The following USP15 variants were observed in gnomAD, a reference collection of about 807,000 sequenced individuals.
The protein encoded by USP15 is ubiquitin specific peptidase 15, also known as ubiquitin carboxyl-terminal hydrolase 15.
USP15 carries 18 observed loss-of-function variants against 127.1 expected under a neutral mutation model. The ratio of observed to expected loss-of-function variants is 0.14; its 90% confidence interval spans 0.10 to 0.21. The LOEUF is 0.21. Ranked by LOEUF, USP15 falls within the 10% of genes least tolerant of loss-of-function variation. USP15 has a pLI of 1.00. For synonymous variants in USP15, 364 were observed against 393.7 expected, an observed-to-expected ratio of 0.92 and a Z score of 0.89; for missense variants, 805 against 1,159.9, an observed-to-expected ratio of 0.69 and a Z score of 4.44.
chr12:62,260,954 A>C (rs2063033432), intron 1 of USP15, among the ~76,000 whole-genome samples: 1 of 151,892 alleles, frequency 6.6e-6, no homozygotes, highest in African/African-American at 2.4e-5. Flanking sequence ...GTTCCCTTTT[A>C]TTCTGATTCT....
intron 7 of USP15, among the ~76,000 whole-genome samples, chr12:62,351,916 T>C (rs552161356): frequency 6.6e-6 from 1 of 151,876 alleles, no homozygotes; most frequent in Admixed American, 6.6e-5. Flanking sequence ...AAAACTTGAA[T>C]TCTATCGTAT....
At chr12:62,279,248 G>A (rs2063581690) in intron 1 of USP15, 1 of 152,048 alleles carries the variant, frequency 6.6e-6, no homozygotes, top group African/African-American at 2.4e-5. Context: ...AATCATGCAG[G>A]ATTTGTCTTT....
intron 2 of USP15, among the ~76,000 whole-genome samples, chr12:62,295,592 T>C (rs981400081): frequency 6.6e-6 from 1 of 151,814 alleles, no homozygotes; most frequent in African/African-American, 2.4e-5. Context: ...CCACAAGACA[T>C]GGAAAAAATT....
chr12:62,294,286 A>G lies in USP15; in HGVS notation c.197A>G (p.Asp66Gly). Residue 66 changes from aspartate (D) to glycine (G), a missense_variant, in exon 2 of 22, where the codon GAT becomes GGT. By Grantham distance (94) the Asp-to-Gly change is moderately conservative (BLOSUM62 -1). Around this residue, in one of 11 missense-constraint regions of USP15, gnomAD observed 69 missense variants for 126.4 expected, o/e 0.55. Coordinates refer to ENST00000280377, the MANE Select transcript of USP15 (RefSeq NM_001252078.2). ...CAAAATGTGTATCCTGGACCCATTGATAACTCTGGACTTCTCAAAGGTCAT... is the reference window on the plus strand; with the variant it reads ...CAAAATGTGTATCCTGGACCCATTGGTAACTCTGGACTTCTCAAAGGTCAT... ...GDQNVYPGPIDNSGLLKDGDA... is the reference protein window; with the variant it reads ...GDQNVYPGPIGNSGLLKDGDA... 1 of 1,612,240 alleles carries G rather than the reference A, an allele frequency of 6.2e-7. No homozygotes were observed. The highest frequency in any genetic ancestry group is 8.5e-7 in the Non-Finnish European group (1 of 1,179,410).
In USP15 at chr12:62,384,318, G is replaced by GTT; in HGVS notation, c.1473+18_1473+19dup. 7.7e-7 allele frequency: 1 copy of GTT among 1,296,436 alleles called. No homozygotes were observed. The highest frequency in any genetic ancestry group is 1.0e-6 in the Non-Finnish European group (1 of 1,002,498). 80.3% of individuals were successfully genotyped at this position (1,296,436 alleles called of 1,614,324 possible). A position where few individuals can be genotyped will look rare whatever the true frequency, so the allele number is the denominator to read the frequency against. On this transcript the variant is annotated intron_variant, in intron 11 of 21. Transcript: ENST00000280377. ...ACCTATGCAGGTAAATCATGGGTTG[G>GTT]TTTGTTTTGTTTTTTTTTTTTTTTT...
chr12:62,302,940 G>T lies in USP15; in HGVS notation c.348+20G>T. On this transcript the variant is annotated intron_variant, in intron 3 of 21. Coordinates refer to ENST00000280377, the MANE Select transcript of USP15 (RefSeq NM_001252078.2). ...CGAAAGGTACATTTTAATAATAACT[G>T]ACTATAAATATTATTTTTCTTGATT... The T allele has an allele frequency of 1.3e-6, 2 of 1,597,198 alleles. No individual in the cohort carries two copies. Among genetic ancestry groups the T allele is most frequent in the South Asian group, 2.3e-5 (2 of 88,486 alleles).
chr12:62,309,456 G>T lies in USP15; in HGVS notation c.349-5334G>T, dbSNP rs115249527. Among the ~76,000 whole-genome samples, 562 of 152,142 alleles carry T rather than the reference G, an allele frequency of 3.7e-3. 5 individuals carry two copies. The highest frequency in any genetic ancestry group is 0.013 in the African/African-American group (529 of 41,528). On this transcript the variant is annotated intron_variant, in intron 3 of 21. Coordinates refer to ENST00000280377, the MANE Select transcript of USP15 (RefSeq NM_001252078.2). The stretch of plus-strand genomic sequence containing the variant: ...TCCCACAAAGAAAGCTTCAGGCCAA[G>T]AAAGCTTTACCAGTGTATTCTACCA...
At chr12:62,314,707 C>G (rs1262904722) in intron 3 of USP15, 83 bp from the exon 4 acceptor site, 1 of 1,281,844 alleles carries the variant, frequency 7.8e-7, no homozygotes, top group Non-Finnish European at 1.0e-6. Context: ...CTGCAGTTTT[C>G]TAAAGTCTCT....
chr12:62,309,118 T>C (rs955550723), intron 3 of USP15, among the ~76,000 whole-genome samples: 20 of 151,830 alleles, frequency 1.3e-4, no homozygotes, highest in African/African-American at 4.6e-4. Flanking sequence ...CTACATTAAA[T>C]GAACAAAATT....
intron 5 of USP15, among the ~76,000 whole-genome samples, chr12:62,323,404 G>A (rs944272643): frequency 6.6e-6 from 1 of 152,032 alleles, no homozygotes; most frequent in Non-Finnish European, 1.5e-5. Flanking sequence ...TAAAGTGAGG[G>A]AAATTAATTT....
intron 2 of USP15, among the ~76,000 whole-genome samples, chr12:62,297,114 T>G (rs1328347526): frequency 6.6e-6 from 1 of 152,106 alleles, no homozygotes; most frequent in African/African-American, 2.4e-5. Flanking sequence ...TGCCTTTCAG[T>G]GTGCTGCTTG....
At chr12:62,309,878 G>A (rs1009945014) in intron 3 of USP15, among the ~76,000 whole-genome samples, 1 of 150,916 alleles carries the variant, frequency 6.6e-6, no homozygotes, top group Non-Finnish European at 1.5e-5. Context: ...ACTAGAAATC[G>A]CCTGTAAATA....
Position 62,412,874 on chromosome 12 carries a change from C to G in USP15, c.*8499C>G, listed in dbSNP as rs1239418429. On this transcript the variant is annotated 3_prime_UTR_variant, in exon 22 of 22. Coordinates refer to ENST00000280377, the MANE Select transcript of USP15 (RefSeq NM_001252078.2). ...TTGATATTTTGACTCCCATGAATCA[C>G]AAATATTCTGAATGAATGGCATCCA... 1 of 152,180 alleles carries G rather than the reference C, an allele frequency of 6.6e-6. No individual in the cohort carries two copies. The highest frequency in any genetic ancestry group is 6.5e-5 in the Admixed American group (1 of 15,278). The allele number at this position is 152,180 out of a possible 1,614,324, so 9.4% of individuals were successfully genotyped here.
chr12:62,302,671 A>G (rs924405810), intron 2 of USP15, 119 bp from the exon 3 acceptor site: 3 of 1,108,376 alleles, frequency 2.7e-6, no homozygotes, highest in East Asian at 2.5e-5. Flanking sequence ...AGGGAGCTGA[A>G]TTGCTTTAGA....
chr12:62,298,830 C>CAAAAAA (rs1163091790), intron 2 of USP15, among the ~76,000 whole-genome samples: 41 of 64,958 alleles, frequency 6.3e-4, no homozygotes, highest in African/African-American at 8.0e-4. Context: ...CCCTGTCTTG[C>CAAAAAA]AAAAAAAAAA....
chr12:62,320,639 C>T (rs1427599421), intron 4 of USP15, among the ~76,000 whole-genome samples: 2 of 152,066 alleles, frequency 1.3e-5, no homozygotes, highest in Non-Finnish European at 2.9e-5. Flanking sequence ...CAAAACCTTA[C>T]TGACTACAAG....
chr12:62,372,166 T>G (rs1425025748), intron 8 of USP15, among the ~76,000 whole-genome samples: 1 of 152,156 alleles, frequency 6.6e-6, no homozygotes, highest in East Asian at 1.9e-4. Context: ...TCCCAAAGAT[T>G]GCACAGTAAT....
In USP15 at chr12:62,294,275, T is replaced by A; in HGVS notation, c.186T>A (p.Pro62=). The part of the protein sequence containing the change: ...KYQMGDQNVY[P]GPIDNSGLLK... ...AGATGGGAGATCAAAATGTGTATCC[T>A]GGACCCATTGATAACTCTGGACTTC... The change falls in exon 2 of 22, where the codon CCT becomes CCA. Residue 62 remains proline, a synonymous_variant. Coordinates refer to ENST00000280377, the MANE Select transcript of USP15 (RefSeq NM_001252078.2). 6.2e-7 allele frequency: 1 copy of A among 1,612,986 alleles called. No homozygotes were observed. The highest frequency in any genetic ancestry group is 1.1e-5 in the South Asian group (1 of 90,816).
chr12:62,368,849 G>A (rs1009505544), intron 8 of USP15, among the ~76,000 whole-genome samples: 15 of 152,154 alleles, frequency 9.9e-5, no homozygotes, highest in Non-Finnish European at 1.9e-4. Context: ...CTGTCATTAC[G>A]ATAGTAACTG....
Sources: gnomAD v4.1 joint callset for allele counts (sites outside exome capture counted in the v4.1 genomes callset) on GRCh38, gnomAD v4.1.1 for gene constraint, gnomAD v4.1.1 regional missense constraint, MANE v1.5 for transcripts, NCBI Gene and HGNC (gene_info 2026-07-23, HGNC 2026-07-21) for gene names.